The following KCNH7 variants were observed in gnomAD, a reference collection of about 807,000 sequenced individuals.
KCNH7 encodes potassium voltage-gated channel subfamily H member 7.
In KCNH7, 49 loss-of-function variants were observed where a neutral mutation model predicts 120.8. That is an observed-to-expected ratio of 0.41 (90% confidence interval 0.32 to 0.51). The LOEUF is 0.51. KCNH7 is among the 20% of genes least tolerant of loss of function. The probability of loss-of-function intolerance (pLI) is 0.38; values close to 1 mark genes in which losing one functional copy is unlikely to be tolerated. For missense variants in KCNH7, 1,097 were observed against 1,446.6 expected (o/e 0.76, Z 3.92); for synonymous variants, 547 against 516.1 (o/e 1.06, Z -0.81).
At chr2:162,733,777 T>C (rs1054423065) in intron 2 of KCNH7, among the ~76,000 whole-genome samples, 1 of 152,224 alleles carries the variant, frequency 6.6e-6, no homozygotes, top group Non-Finnish European at 1.5e-5. Context: ...GATCTGAACC[T>C]GATTTTTTTT....
intron 6 of KCNH7, chr2:162,502,375 G>C (rs576282752): frequency 6.6e-6 from 1 of 152,084 alleles, no homozygotes. Context: ...GCTTGTTATG[G>C]TACGTAGTAC....
chr2:162,529,221 C>T (rs955624559), intron 3 of KCNH7, among the ~76,000 whole-genome samples: 4 of 151,746 alleles, frequency 2.6e-5, no homozygotes, highest in East Asian at 1.9e-4. Context: ...GCCTAAGCAG[C>T]GTATATAGAG....
At chr2:162,794,261 A>C (rs928362588) in intron 2 of KCNH7, among the ~76,000 whole-genome samples, 2 of 151,980 alleles carry the variant, frequency 1.3e-5, no homozygotes, top group African/African-American at 4.8e-5. Context: ...GAAGGAAGGA[A>C]GGAAGAGGAA....
At chr2:162,538,059 T>G (rs1316069332) in intron 2 of KCNH7, 2 of 152,080 alleles carry the variant, frequency 1.3e-5, no homozygotes, top group Non-Finnish European at 2.9e-5. Flanking sequence ...CTATTTAAGT[T>G]ACAAATAAAG....
At chr2:162,806,884 G>T (rs1684556275) in intron 2 of KCNH7, among the ~76,000 whole-genome samples, 1 of 151,788 alleles carries the variant, frequency 6.6e-6, no homozygotes, top group Non-Finnish European at 1.5e-5. Flanking sequence ...TTAACTCAAA[G>T]TATAACAGAA....
At chr2:162,486,461 A>G (rs776581760) in intron 6 of KCNH7, among the ~76,000 whole-genome samples, 1 of 152,200 alleles carries the variant, frequency 6.6e-6, no homozygotes, top group African/African-American at 2.4e-5. Flanking sequence ...GAACAGGTAT[A>G]TTTAAAGTAG....
intron 6 of KCNH7, among the ~76,000 whole-genome samples, chr2:162,500,752 A>T (rs996563077): frequency 1.1e-4 from 17 of 152,222 alleles, no homozygotes; most frequent in Non-Finnish European, 2.2e-4. Flanking sequence ...AGAACATTGG[A>T]TTAAGGAAAT....
At chr2:162,731,448 C>A (rs1010525590) in intron 2 of KCNH7, among the ~76,000 whole-genome samples, 1 of 151,582 alleles carries the variant, frequency 6.6e-6, no homozygotes, top group African/African-American at 2.4e-5. Flanking sequence ...ATTGACTAAG[C>A]AATCCTTGTA....
chr2:162,559,988 G>A (rs1256211564), intron 2 of KCNH7, among the ~76,000 whole-genome samples: 4 of 152,260 alleles, frequency 2.6e-5, no homozygotes, highest in East Asian at 1.9e-4. Flanking sequence ...GTGGGCATTC[G>A]TATTAGTTTT....
At chr2:162,752,993 G>GAA (rs1301282067) in intron 2 of KCNH7, among the ~76,000 whole-genome samples, 1 of 133,894 alleles carries the variant, frequency 7.5e-6, no homozygotes, top group African/African-American at 3.3e-5. Context: ...GAAAAGAAAA[G>GAA]AAAAGAAAAG....
chr2:162,751,104 G>A (rs972595386), intron 2 of KCNH7, among the ~76,000 whole-genome samples: 1 of 152,000 alleles, frequency 6.6e-6, no homozygotes, highest in Non-Finnish European at 1.5e-5. Context: ...CCATTGGTGT[G>A]ATACTTAGGC....
At chr2:162,376,439 C>T (rs572775984) in intron 14 of KCNH7, among the ~76,000 whole-genome samples, 19 of 150,624 alleles carry the variant, frequency 1.3e-4, no homozygotes, top group South Asian at 1.3e-3. Flanking sequence ...GATCTCGGCT[C>T]GCTGCAACCT....
intron 9 of KCNH7, 129 bp downstream of exon 9, chr2:162,423,207 A>C (rs1461701302): frequency 1.9e-6 from 3 of 1,568,032 alleles, no homozygotes; most frequent in Non-Finnish European, 2.6e-6. Context: ...TCTCCAGGGG[A>C]GAAAATACAC....
chr2:162,671,346 A>G (rs1685346169), intron 2 of KCNH7, among the ~76,000 whole-genome samples: 1 of 151,990 alleles, frequency 6.6e-6, no homozygotes, highest in African/African-American at 2.4e-5. Flanking sequence ...AATGTGGACT[A>G]TATATACCAT....
At chr2:162,675,470 A>C (rs1324030359) in intron 2 of KCNH7, among the ~76,000 whole-genome samples, 1 of 151,586 alleles carries the variant, frequency 6.6e-6, no homozygotes, top group Non-Finnish European at 1.5e-5. Context: ...AACTAGAAAC[A>C]ATAAATGTAT....
chr2:162,595,419 C>G (rs753987579), intron 2 of KCNH7, among the ~76,000 whole-genome samples: 3 of 151,764 alleles, frequency 2.0e-5, no homozygotes, highest in Non-Finnish European at 2.9e-5. Flanking sequence ...GGAACACAGC[C>G]AAACCATATC....
At chr2:162,717,992 G>A (rs73974053) in intron 2 of KCNH7, among the ~76,000 whole-genome samples, 4,908 of 151,254 alleles carry the variant, frequency 0.032, 211 homozygotes, top group African/African-American at 0.1. Context: ...CTCACATCAT[G>A]GTTCATCCTT....
At chr2:162,707,112 T>C (rs1686736183) in intron 2 of KCNH7, among the ~76,000 whole-genome samples, 1 of 152,128 alleles carries the variant, frequency 6.6e-6, no homozygotes, top group Non-Finnish European at 1.5e-5. Context: ...CTCTGTGGAT[T>C]TGGAAAGTAA....
At chr2:162,591,721 G>A (rs1694222571) in intron 2 of KCNH7, among the ~76,000 whole-genome samples, 1 of 152,004 alleles carries the variant, frequency 6.6e-6, no homozygotes, top group African/African-American at 2.4e-5. Context: ...TAGAATATTT[G>A]TTATTAAAAT....
Sources: allele counts gnomAD v4.1 joint callset (sites outside exome capture counted in the v4.1 genomes callset), GRCh38; gene constraint gnomAD v4.1.1; transcripts MANE v1.5; gene names NCBI Gene and HGNC (gene_info 2026-07-23, HGNC 2026-07-21).